EVI5: variants seen among roughly 807,000 people sequenced by gnomAD.
EVI5 encodes ecotropic viral integration site 5.
EVI5 carries 73 observed loss-of-function variants against 112.0 expected under a neutral mutation model. The observed-to-expected ratio is 0.65, with a 90% CI of 0.54 to 0.79. The LOEUF is 0.79. Ranked by LOEUF, EVI5 falls within the 30% of genes least tolerant of loss-of-function variation. The pLI is 0.00. For missense variants in EVI5, 900 were observed against 968.8 expected (o/e 0.93, Z 0.94); for synonymous variants, 305 against 319.9 (o/e 0.95, Z 0.50).
intron 2 of EVI5, among the ~76,000 whole-genome samples, chr1:92,705,088 G>C (rs1409279459): frequency 6.6e-6 from 1 of 152,086 alleles, no homozygotes; most frequent in Non-Finnish European, 1.5e-5. Context: ...ACTTATACTT[G>C]GAAGAGGTAC....
rs1031553580 is a variant in EVI5, at chr1:92,715,608, T to C, written c.150-10864A>G. 3.3e-5 allele frequency among the ~76,000 whole-genome samples: 5 copies of C among 152,142 alleles called. No homozygotes were observed. The East Asian group carries it at 9.7e-4, about 30-fold the overall frequency. The stretch of plus-strand genomic sequence containing the variant: ...ACCTGGTTCATCTCACTGAGACTGG[T>C]TGGACAGTGGGTGCAGCCCACAGAG... On this transcript the variant is annotated intron_variant, in intron 2 of 19. Transcript: ENST00000684568.
At chr1:92,531,716 T>A (rs985331806) in intron 19 of EVI5, among the ~76,000 whole-genome samples, 4 of 152,076 alleles carry the variant, frequency 2.6e-5, no homozygotes, top group African/African-American at 9.7e-5. Flanking sequence ...AAAAATAAAA[T>A]CTTTTACAGA....
At chr1:92,614,894 A>G (rs1652756406) in intron 16 of EVI5, among the ~76,000 whole-genome samples, 1 of 136,762 alleles carries the variant, frequency 7.3e-6, no homozygotes, top group South Asian at 2.2e-4. Flanking sequence ...ATCTCCTATT[A>G]TTCCTATATA....
intron 18 of EVI5, among the ~76,000 whole-genome samples, chr1:92,589,065 A>C (rs1673267680): frequency 6.6e-6 from 1 of 152,236 alleles, no homozygotes; most frequent in South Asian, 2.1e-4. Flanking sequence ...GAGATACACG[A>C]AATCAGGTAA....
chr1:92,668,091 T>C (rs1665241768), intron 10 of EVI5, among the ~76,000 whole-genome samples: 1 of 152,178 alleles, frequency 6.6e-6, no homozygotes, highest in Non-Finnish European at 1.5e-5. Flanking sequence ...ATATAACATA[T>C]AAAGTATTAG....
At chr1:92,647,865 A>C (rs1481351019) in intron 13 of EVI5, among the ~76,000 whole-genome samples, 1 of 151,752 alleles carries the variant, frequency 6.6e-6, no homozygotes, top group East Asian at 2.0e-4. Context: ...TCAGCCTCCT[A>C]AATAGCTGGG....
chr1:92,771,645 C>A (rs1452505367), intron 1 of EVI5, among the ~76,000 whole-genome samples: 1 of 151,440 alleles, frequency 6.6e-6, no homozygotes, highest in African/African-American at 2.4e-5. Flanking sequence ...CTCCCTCTGT[C>A]ACCCAGGCTG....
intron 19 of EVI5, among the ~76,000 whole-genome samples, chr1:92,550,272 T>C (rs917382797): frequency 7.1e-6 from 1 of 141,030 alleles, no homozygotes; most frequent in African/African-American, 2.7e-5. Context: ...CCGTATGTTC[T>C]CACTCATAGG....
Position 92,785,081 on chromosome 1 carries a change from G to A in EVI5, c.-327C>T, listed in dbSNP as rs990224418. 17 of 985,474 alleles carry A rather than the reference G, an allele frequency of 1.7e-5. No homozygotes were observed. Among genetic ancestry groups the A allele is most frequent in the Non-Finnish European group, 1.9e-5 (16 of 830,022 alleles). The allele number at this position is 985,474 out of a possible 1,614,324, so 61.0% of individuals were successfully genotyped here. Reference sequence around the variant, plus strand: ...CAGCTGGCCAGCTGGTTCCTCCGGGGTCCGGCCCGGCCGCGTCAGGAGAGC... The same window carrying A: ...CAGCTGGCCAGCTGGTTCCTCCGGGATCCGGCCCGGCCGCGTCAGGAGAGC... On this transcript the variant is annotated 5_prime_UTR_variant, in exon 1 of 20. Transcript: ENST00000684568.
intron 2 of EVI5, among the ~76,000 whole-genome samples, chr1:92,717,616 CTATGAAGAAACTG>C: frequency 6.6e-6 from 1 of 152,300 alleles, no homozygotes; most frequent in South Asian, 2.1e-4. Flanking sequence ...ACCATCGACA[CTATGAAGAAACTG>C]TATCAATTAA....
intron 16 of EVI5, among the ~76,000 whole-genome samples, chr1:92,612,618 A>C (rs1366160050): frequency 6.6e-5 from 10 of 151,438 alleles, no homozygotes; most frequent in Non-Finnish European, 1.5e-4. Context: ...GCTGAGGCAG[A>C]AGAATCGCTT....
chr1:92,622,788 A>T (rs1654867697), intron 16 of EVI5, among the ~76,000 whole-genome samples: 1 of 152,216 alleles, frequency 6.6e-6, no homozygotes, highest in Non-Finnish European at 1.5e-5. Context: ...ATTAGTCAGC[A>T]ATGGTATTAA....
intron 19 of EVI5, among the ~76,000 whole-genome samples, chr1:92,561,610 T>C (rs549997728): frequency 0.088 from 2,991 of 33,850 alleles, 47 homozygotes; most frequent in Non-Finnish European, 0.11. Flanking sequence ...TAATCTATCC[T>C]ATCTATCTAT....
At chr1:92,648,338 A>G (rs545182250) in intron 13 of EVI5, among the ~76,000 whole-genome samples, 1 of 150,702 alleles carries the variant, frequency 6.6e-6, no homozygotes, top group Non-Finnish European at 1.5e-5. Flanking sequence ...ACACCACCGC[A>G]CTCCATCCTG....
intron 9 of EVI5, among the ~76,000 whole-genome samples, chr1:92,693,227 G>A (rs935857330): frequency 3.7e-4 from 56 of 151,782 alleles, no homozygotes; most frequent in African/African-American, 1.1e-3. Context: ...GGTGGTGTGC[G>A]CCTGTAGTAC....
Position 92,702,164 on chromosome 1 carries a change from TA to T in EVI5, c.615del (p.Phe205LeufsTer2). On this transcript the variant is annotated frameshift_variant, in exon 5 of 20. Coordinates refer to ENST00000684568, the MANE Select transcript of EVI5 (RefSeq NM_001350197.2). LOFTEE classifies it high-confidence loss of function. Reference protein sequence around the residue: ...REVGYCQGSAFIVGLLLMQMP... With the variant: ...REVGYCQGSAXIVGLLLMQMP... ...ACCTGCATAAGCAACAATCCAACTA[TA>T]AAAGCACTTCCTTGACAGTAACCAA... The T allele has an allele frequency of 6.6e-7, 1 of 1,510,680 alleles. No homozygotes were observed. Among genetic ancestry groups the T allele is most frequent in the Non-Finnish European group, 8.8e-7 (1 of 1,131,794 alleles). The allele number at this position is 1,510,680 out of a possible 1,614,324, so 93.6% of individuals were successfully genotyped here.
chr1:92,629,496 T>C (rs1039973736), intron 14 of EVI5, among the ~76,000 whole-genome samples: 1 of 152,212 alleles, frequency 6.6e-6, no homozygotes, highest in Non-Finnish European at 1.5e-5. Context: ...CCTGAAGTTC[T>C]TCTACTCCCA....
chr1:92,517,092 T>C (rs76008102), intron 19 of EVI5, among the ~76,000 whole-genome samples: 3 of 152,328 alleles, frequency 2.0e-5, no homozygotes, highest in South Asian at 2.1e-4. Flanking sequence ...TCAGGAAATT[T>C]TGAAATATGG....
At chr1:92,615,268 T>C (rs372907940) in intron 16 of EVI5, among the ~76,000 whole-genome samples, 5 of 152,192 alleles carry the variant, frequency 3.3e-5, no homozygotes, top group African/African-American at 1.2e-4. Context: ...CTAAGTTCAC[T>C]GGACAAATTG....
Sources: gnomAD v4.1 joint callset for allele counts (sites outside exome capture counted in the v4.1 genomes callset) on GRCh38, gnomAD v4.1.1 for gene constraint, MANE v1.5 for transcripts, NCBI Gene and HGNC (gene_info 2026-07-23, HGNC 2026-07-21) for gene names.